Variants in GPC6 observed in about 807,000 individuals in gnomAD.
GPC6 encodes the protein glypican 6, also known as glypican-6.
Under a neutral mutation model 55.2 loss-of-function variants are expected in GPC6, and 14 were observed. The ratio of observed to expected loss-of-function variants is 0.25; its 90% confidence interval spans 0.17 to 0.40. The LOEUF (loss-of-function observed/expected upper bound fraction) is 0.40, where lower values mean the gene tolerates loss of function less well. Among genes scored for constraint, GPC6 ranks in the 10% least tolerant of loss-of-function variants. The pLI, the probability that GPC6 is intolerant of heterozygous loss-of-function variation, is 1.00. For synonymous variants in GPC6, 278 were observed against 259.6 expected, an observed-to-expected ratio of 1.07 and a Z score of -0.68; for missense variants, 641 against 708.5, an observed-to-expected ratio of 0.90 and a Z score of 1.08.
At chr13:94,068,697 G>T (rs1379560368) in intron 4 of GPC6, among the ~76,000 whole-genome samples, 1 of 152,122 alleles carries the variant, frequency 6.6e-6, no homozygotes, top group Non-Finnish European at 1.5e-5. Context: ...AAATGAAAGG[G>T]CTACAGGCCC....
At chr13:94,229,984 G>A (rs1890671346) in intron 4 of GPC6, among the ~76,000 whole-genome samples, 1 of 152,162 alleles carries the variant, frequency 6.6e-6, no homozygotes, top group South Asian at 2.1e-4. Flanking sequence ...AGGAAGCCAG[G>A]GATGGTGTGG....
intron 2 of GPC6, among the ~76,000 whole-genome samples, chr13:93,783,427 C>T (rs533814958): frequency 3.9e-5 from 6 of 152,116 alleles, no homozygotes; most frequent in Non-Finnish European, 7.4e-5. Context: ...AGTGATTGAA[C>T]TAAATTTACC....
intron 2 of GPC6, among the ~76,000 whole-genome samples, chr13:93,736,804 G>A (rs578009288): frequency 6.6e-6 from 1 of 152,166 alleles, no homozygotes; most frequent in East Asian, 1.9e-4. Context: ...TTGGATGGAA[G>A]GTACATGCAC....
chr13:93,284,677 A>G (rs951059558), intron 1 of GPC6, among the ~76,000 whole-genome samples: 1 of 152,224 alleles, frequency 6.6e-6, no homozygotes, highest in Admixed American at 6.5e-5. Flanking sequence ...CTGATTTACC[A>G]TATAACAAAG....
intron 1 of GPC6, among the ~76,000 whole-genome samples, chr13:93,415,266 G>A (rs957458135): frequency 3.3e-5 from 5 of 151,926 alleles, no homozygotes; most frequent in African/African-American, 4.8e-5. Context: ...CTGGAACATA[G>A]GACATAAATA....
chr13:93,986,898 A>T (rs1190338191), intron 3 of GPC6, among the ~76,000 whole-genome samples: 1 of 152,300 alleles, frequency 6.6e-6, no homozygotes, highest in East Asian at 1.9e-4. Context: ...AAATTCTCAA[A>T]ATATAGTACT....
Position 93,231,164 on chromosome 13 carries a change from G to A in GPC6, c.160+3548G>A, listed in dbSNP as rs1391475861. On this transcript the variant is annotated intron_variant, in intron 1 of 8. Coordinates refer to ENST00000377047, the MANE Select transcript of GPC6 (RefSeq NM_005708.5). ...AACTTTAATAAACTTACCTAAGGGT[G>A]ACTCTACTAGTAAGTAATGAGGCTG... Among the ~76,000 whole-genome samples, 8 of 151,420 alleles carry A rather than the reference G, an allele frequency of 5.3e-5. No homozygotes were observed. In the South Asian group the frequency reaches 8.3e-4, roughly 16 times the overall value.
At chr13:93,302,958 A>C (rs1165900144) in intron 1 of GPC6, among the ~76,000 whole-genome samples, 1 of 152,094 alleles carries the variant, frequency 6.6e-6, no homozygotes, top group African/African-American at 2.4e-5. Flanking sequence ...AATTCTTATA[A>C]ATGCCTATAT....
intron 2 of GPC6, among the ~76,000 whole-genome samples, chr13:93,585,906 A>G (rs543471732): frequency 6.2e-4 from 95 of 152,166 alleles, no homozygotes; most frequent in Non-Finnish European, 1.2e-3. Context: ...TAGAGCAGGC[A>G]CTGTCTAGGA....
At chr13:93,954,062 C>A (rs1879385426) in intron 3 of GPC6, among the ~76,000 whole-genome samples, 1 of 152,220 alleles carries the variant, frequency 6.6e-6, no homozygotes, top group Admixed American at 6.5e-5. Context: ...ACTCCCTAGT[C>A]CTCCCTCACC....
chr13:93,956,286 A>G (rs1488720735), intron 3 of GPC6, among the ~76,000 whole-genome samples: 1 of 152,116 alleles, frequency 6.6e-6, no homozygotes, highest in African/African-American at 2.4e-5. Flanking sequence ...CATAATACAT[A>G]ATACTTAATG....
At position 93,673,978 on chromosome 13, in the gene GPC6, G is replaced by A. The variant is rs139080514; in HGVS notation, c.319+128557G>A. Among the ~76,000 whole-genome samples the A allele has an allele frequency of 5.2e-4, 79 of 152,080 alleles. 1 individual carries two copies. The East Asian group carries it at 0.014, about 26-fold the overall frequency. ...CAGTTTTCCTCCTGTAAGTGTAGGC[G>A]CAGTGTTTAAGGAGGGAGGATACAA... On this transcript the variant is annotated intron_variant, in intron 2 of 8. Coordinates refer to ENST00000377047, the MANE Select transcript of GPC6 (RefSeq NM_005708.5).
chr13:94,382,565 A>G lies in GPC6; in HGVS notation c.1289+15A>G, dbSNP rs372249084. 1.5e-4 allele frequency: 241 copies of G among 1,613,974 alleles called. No individual in the cohort carries two copies. In the African/African-American group the frequency reaches 2.8e-3, roughly 19 times the overall value. On this transcript the variant is annotated intron_variant, in intron 7 of 8. Transcript: ENST00000377047. ...AGCAAAGCCAGGTGAGGGTGACTCGATGTGTGCATGGATGGGGGCACAGCA... is the reference window on the plus strand; with the variant it reads ...AGCAAAGCCAGGTGAGGGTGACTCGGTGTGTGCATGGATGGGGGCACAGCA...
intron 4 of GPC6, among the ~76,000 whole-genome samples, chr13:94,049,650 C>T (rs865851462): frequency 7.2e-5 from 11 of 152,108 alleles, no homozygotes; most frequent in Admixed American, 2.6e-4. Context: ...GAGACTTTCA[C>T]TCAAAATGCA....
At chr13:94,121,879 T>C (rs536557868) in intron 4 of GPC6, among the ~76,000 whole-genome samples, 1 of 152,256 alleles carries the variant, frequency 6.6e-6, no homozygotes, top group Non-Finnish European at 1.5e-5. Flanking sequence ...GTCCTTGGGC[T>C]ACTGTGCTCC....
chr13:93,726,372 T>C (rs1883641378), intron 2 of GPC6, among the ~76,000 whole-genome samples: 1 of 152,062 alleles, frequency 6.6e-6, no homozygotes, highest in South Asian at 2.1e-4. Context: ...TCCACCTTGT[T>C]TGAAACTCCC....
chr13:93,322,620 A>G (rs534143824), intron 1 of GPC6, among the ~76,000 whole-genome samples: 1 of 150,822 alleles, frequency 6.6e-6, no homozygotes, highest in East Asian at 1.9e-4. Context: ...TTGTATTTTT[A>G]GTAGAGATGG....
At chr13:93,303,711 A>G (rs1171790257) in intron 1 of GPC6, among the ~76,000 whole-genome samples, 2 of 152,100 alleles carry the variant, frequency 1.3e-5, no homozygotes, top group Non-Finnish European at 2.9e-5. Context: ...ATGGATTCAC[A>G]ATACAAAGTG....
intron 1 of GPC6, among the ~76,000 whole-genome samples, chr13:93,517,506 T>G (rs1421415853): frequency 2.0e-5 from 3 of 152,244 alleles, no homozygotes; most frequent in African/African-American, 4.8e-5. Flanking sequence ...GAAATTAGAT[T>G]CTTTTTCCAT....
Sources: allele counts gnomAD v4.1 joint callset (sites outside exome capture counted in the v4.1 genomes callset), GRCh38; gene constraint gnomAD v4.1.1; transcripts MANE v1.5; gene names NCBI Gene and HGNC (gene_info 2026-07-23, HGNC 2026-07-21).